NRG1: variants seen among roughly 807,000 people sequenced by gnomAD.
NRG1 encodes pro-neuregulin-1, membrane-bound isoform.
Under a neutral mutation model 63.8 loss-of-function variants are expected in NRG1, and 18 were observed. The ratio of observed to expected loss-of-function variants is 0.28; its 90% CI spans 0.19 to 0.42. The LOEUF (loss-of-function observed/expected upper bound fraction) is 0.42. NRG1 is among the 10% of genes least tolerant of loss of function. The probability of loss-of-function intolerance (pLI) is 1.00; values close to 1 mark genes in which losing one functional copy is unlikely to be tolerated. For synonymous variants in NRG1, 302 were observed against 301.3 expected (o/e 1.00, Z -0.02); for missense variants, 762 against 814.7 (o/e 0.94, Z 0.79).
At chr8:32,326,080 G>A (rs1050800085) in intron 1 of NRG1, among the ~76,000 whole-genome samples, 22 of 150,574 alleles carry the variant, frequency 1.5e-4, no homozygotes, top group African/African-American at 4.7e-4. Context: ...CGTGATCTAG[G>A]CTCACTGCAA....
At position 32,355,629 on chromosome 8, in the gene NRG1, C is replaced by T. The variant is rs561652211; in HGVS notation, c.38-240199C>T. 1.4e-3 allele frequency among the ~76,000 whole-genome samples: 207 copies of T among 151,134 alleles called. 2 individuals carry two copies. The highest frequency in any genetic ancestry group is 2.4e-3 in the Non-Finnish European group (160 of 67,882). ...CAAGTGTTTTACCCACCCATCCCCC[C>T]TCAAATAAAGAAAAAAGACAGGGAT... is the stretch of plus-strand genomic sequence containing the variant. On this transcript the variant is annotated intron_variant, in intron 1 of 10. Transcript: ENST00000519301.
At chr8:31,935,124 ATTTT>A (rs981686188) in intron 1 of NRG1, among the ~76,000 whole-genome samples, 5 of 150,508 alleles carry the variant, frequency 3.3e-5, no homozygotes, top group Non-Finnish European at 5.9e-5. Context: ...CTAAGTTTTT[ATTTT>A]TTGTATTTTT....
At chr8:31,857,193 CG>C (rs1024440838) in intron 1 of NRG1, among the ~76,000 whole-genome samples, 68 of 152,376 alleles carry the variant, frequency 4.5e-4, no homozygotes, top group African/African-American at 1.6e-3. Context: ...TGGGCAATGG[CG>C]GGCGCCCCTC....
At chr8:31,893,461 A>G (rs992006219) in intron 1 of NRG1, among the ~76,000 whole-genome samples, 1 of 151,556 alleles carries the variant, frequency 6.6e-6, no homozygotes, top group African/African-American at 2.4e-5. Context: ...TTGCTATATA[A>G]ATGGTAAACG....
chr8:32,101,801 AT>A (rs1210453045), intron 1 of NRG1, among the ~76,000 whole-genome samples: 1 of 152,202 alleles, frequency 6.6e-6, no homozygotes, highest in Non-Finnish European at 1.5e-5. Context: ...GAAATGCCCT[AT>A]TGTGCATCTT....
intron 1 of NRG1, among the ~76,000 whole-genome samples, chr8:32,408,128 CT>C (rs1374121322): frequency 1.3e-5 from 2 of 152,196 alleles, no homozygotes; most frequent in African/African-American, 4.8e-5. Context: ...CAATAAGTTA[CT>C]GCTAGGTCAC....
chr8:32,657,853 C>G (rs967537650), intron 5 of NRG1, among the ~76,000 whole-genome samples: 1 of 152,132 alleles, frequency 6.6e-6, no homozygotes, highest in Admixed American at 6.5e-5. Context: ...ACTCTGATCT[C>G]TTTTTACTAT....
chr8:32,757,114 C>A (rs1322215317), intron 9 of NRG1, among the ~76,000 whole-genome samples: 4 of 152,122 alleles, frequency 2.6e-5, no homozygotes, highest in Admixed American at 2.6e-4. Context: ...TGATGTCAAG[C>A]CCTCCAGATG....
chr8:32,380,861 G>A (rs1810260086), intron 1 of NRG1, among the ~76,000 whole-genome samples: 1 of 152,192 alleles, frequency 6.6e-6, no homozygotes. Flanking sequence ...TAAAGTCAGT[G>A]TACTTGGGAT....
chr8:32,114,703 G>A (rs190821121), intron 1 of NRG1, among the ~76,000 whole-genome samples: 13 of 152,256 alleles, frequency 8.5e-5, no homozygotes, highest in African/African-American at 2.9e-4. Flanking sequence ...GTAGATCTGA[G>A]GAACAACAAA....
At chr8:32,190,799 T>C (rs1038372901) in intron 1 of NRG1, among the ~76,000 whole-genome samples, 2 of 152,164 alleles carry the variant, frequency 1.3e-5, no homozygotes, top group Non-Finnish European at 2.9e-5. Context: ...TGCTACAGGA[T>C]AGCAGAATAC....
intron 5 of NRG1, among the ~76,000 whole-genome samples, chr8:32,646,554 C>CCCCATCCCCAT (rs1853582312): frequency 6.6e-6 from 1 of 152,122 alleles, no homozygotes; most frequent in Non-Finnish European, 1.5e-5. Flanking sequence ...CCACCCCCCA[C>CCCCATCCCCAT]CCCATCCCCA....
chr8:32,119,180 C>G (rs1833121782), intron 1 of NRG1, among the ~76,000 whole-genome samples: 1 of 152,102 alleles, frequency 6.6e-6, no homozygotes, highest in South Asian at 2.1e-4. Flanking sequence ...ATGAGTATTA[C>G]AAGGCAATTA....
At chr8:32,555,732 A>G (rs2129525492) in intron 1 of NRG1, among the ~76,000 whole-genome samples, 1 of 152,244 alleles carries the variant, frequency 6.6e-6, no homozygotes, top group Non-Finnish European at 1.5e-5. Context: ...TGGCCTCCCA[A>G]AGTGCTGGGA....
intron 1 of NRG1, among the ~76,000 whole-genome samples, chr8:32,399,511 C>T (rs1451507836): frequency 6.6e-6 from 1 of 152,126 alleles, no homozygotes; most frequent in African/African-American, 2.4e-5. Context: ...TCGAGGCCAG[C>T]GTGGCCAATA....
At chr8:32,090,321 A>G (rs763296695) in intron 1 of NRG1, among the ~76,000 whole-genome samples, 13 of 152,192 alleles carry the variant, frequency 8.5e-5, no homozygotes, top group Non-Finnish European at 1.6e-4. Context: ...ACATTGAATC[A>G]TTGTCATGGA....
chr8:31,907,866 A>G (rs1455490817), intron 1 of NRG1, among the ~76,000 whole-genome samples: 1 of 152,202 alleles, frequency 6.6e-6, no homozygotes, highest in Non-Finnish European at 1.5e-5. Context: ...GATGAAAAGT[A>G]TCCAGAAAAT....
intron 6 of NRG1, among the ~76,000 whole-genome samples, chr8:32,730,699 T>C (rs1823422685): frequency 6.6e-6 from 1 of 152,182 alleles, no homozygotes; most frequent in South Asian, 2.1e-4. Flanking sequence ...ATATTTATCA[T>C]AGCAAATTGG....
chr8:32,768,318 T>C (rs1197625684), downstream of NRG1, among the ~76,000 whole-genome samples: 1 of 152,200 alleles, frequency 6.6e-6, no homozygotes, highest in Non-Finnish European at 1.5e-5. Context: ...TTCAGACTAA[T>C]GAAAATGTCA....
Sources: allele counts gnomAD v4.1 joint callset (sites outside exome capture counted in the v4.1 genomes callset), GRCh38; gene constraint gnomAD v4.1.1; transcripts MANE v1.5; gene names NCBI Gene and HGNC (gene_info 2026-07-23, HGNC 2026-07-21).